Variants in FAM133B observed in about 807,000 individuals in gnomAD.
The protein encoded by FAM133B is protein FAM133B.
A neutral mutation model predicts 46.4 loss-of-function variants in FAM133B; 25 were observed. The observed-to-expected ratio is 0.54, with a 90% confidence interval of 0.39 to 0.75. The LOEUF is 0.75. Ranked by LOEUF, FAM133B falls within the 30% of genes least tolerant of loss-of-function variation. The pLI, the probability that FAM133B is intolerant of heterozygous loss-of-function variation, is 0.00. For synonymous variants in FAM133B, 75 were observed against 86.0 expected (o/e 0.87, Z 0.71); for missense variants, 205 against 277.6 (o/e 0.74, Z 1.86).
intron 1 of FAM133B, among the ~76,000 whole-genome samples, chr7:92,585,844 G>A (rs111276517): frequency 6.6e-6 from 1 of 152,196 alleles, no homozygotes; most frequent in African/African-American, 2.4e-5. Flanking sequence ...CATTATTATA[G>A]TAATAAAGGT....
intron 7 of FAM133B, 42 bp downstream of exon 7, chr7:92,577,061 A>G: frequency 8.1e-7 from 1 of 1,233,064 alleles, no homozygotes; most frequent in Non-Finnish European, 1.1e-6. Flanking sequence ...AACTTAATTA[A>G]ATGTCTTTGT....
chr7:92,588,680 G>A (rs1028425724), intron 1 of FAM133B, among the ~76,000 whole-genome samples: 1 of 152,166 alleles, frequency 6.6e-6, no homozygotes, highest in South Asian at 2.1e-4. Context: ...AATGTTGGAG[G>A]TGGGGCCTGG....
At chr7:92,564,523 GAACAAACA>G (rs376049285) in intron 10 of FAM133B, among the ~76,000 whole-genome samples, 1 of 152,122 alleles carries the variant, frequency 6.6e-6, no homozygotes, top group African/African-American at 2.4e-5. Context: ...TTCACATTCA[GAACAAACA>G]AACAAACAAA....
In FAM133B at chr7:92,582,324, T is replaced by C. The variant is rs137866499; in HGVS notation, c.25-721A>G. ...ATAAATAACATAAAATAACATAACA[T>C]AAAATAAAATAAATTCATTTCCAAA... On this transcript the variant is annotated intron_variant, in intron 1 of 10. Transcript: ENST00000445716. Among the ~76,000 whole-genome samples the C allele has an allele frequency of 1.2e-3, 173 of 149,786 alleles. 1 individual carries two copies. The highest frequency in any genetic ancestry group is 4.4e-3 in the Admixed American group (66 of 15,070).
intron 9 of FAM133B, among the ~76,000 whole-genome samples, chr7:92,567,048 C>A: frequency 6.6e-6 from 1 of 151,844 alleles, no homozygotes; most frequent in East Asian, 1.9e-4. Context: ...TTCACCTCTA[C>A]AAAAAAATTT....
chr7:92,566,767 C>G (rs1215069164), intron 9 of FAM133B, among the ~76,000 whole-genome samples: 2 of 152,214 alleles, frequency 1.3e-5, no homozygotes, highest in Non-Finnish European at 2.9e-5. Context: ...TAAAATACAG[C>G]AGGTATTTCT....
At chr7:92,590,096 A>T in intron 1 of FAM133B, 172 bp downstream of exon 1, 1 of 879,518 alleles carries the variant, frequency 1.1e-6, no homozygotes, top group Non-Finnish European at 1.7e-6. Flanking sequence ...CTAAAGCGCC[A>T]ACTGCGTGCG....
chr7:92,570,705 G>A (rs1165839064), intron 8 of FAM133B, among the ~76,000 whole-genome samples: 2 of 152,028 alleles, frequency 1.3e-5, no homozygotes, highest in African/African-American at 2.4e-5. Flanking sequence ...TTTATATAGC[G>A]TGAGTCTAAT....
At chr7:92,562,459 C>A (rs1384559033) in intron 10 of FAM133B, 91 bp from the exon 11 acceptor site, 3 of 1,450,474 alleles carry the variant, frequency 2.1e-6, no homozygotes, top group Non-Finnish European at 2.7e-6. Context: ...CACATAATTC[C>A]AAACAATCCA....
chr7:92,573,049 TTCTGTTATTTATGAACACATACTA>T (rs1354512877), intron 8 of FAM133B, among the ~76,000 whole-genome samples: 2 of 151,970 alleles, frequency 1.3e-5, no homozygotes, highest in Non-Finnish European at 2.9e-5. Flanking sequence ...AAACTCAATA[TTCTGTTATTTATGAACACATACTA>T]ATATAATAAA....
At chr7:92,580,937 T>C (rs1585312212) in intron 2 of FAM133B, among the ~76,000 whole-genome samples, 2 of 152,342 alleles carry the variant, frequency 1.3e-5, no homozygotes, top group Non-Finnish European at 2.9e-5. Context: ...TACATAAGCA[T>C]ACTTTTCAAC....
At chr7:92,577,868 C>T (rs994990668) in intron 5 of FAM133B, 151 bp from the exon 6 acceptor site, 48 of 714,404 alleles carry the variant, frequency 6.7e-5, no homozygotes, top group Non-Finnish European at 9.9e-5. Flanking sequence ...AAATGTCACA[C>T]TTGTTCCCTG....
chr7:92,582,698 G>C (rs1794924901), intron 1 of FAM133B, among the ~76,000 whole-genome samples: 1 of 152,168 alleles, frequency 6.6e-6, no homozygotes, highest in Admixed American at 6.5e-5. Flanking sequence ...TTTCTCTAAA[G>C]AAGGTATATA....
intron 10 of FAM133B, among the ~76,000 whole-genome samples, chr7:92,565,279 T>C (rs1244640642): frequency 3.3e-5 from 5 of 150,566 alleles, no homozygotes; most frequent in African/African-American, 7.3e-5. Context: ...GCCTCCCGAA[T>C]AGCTGGATTA....
chr7:92,571,209 C>A (rs936286219), intron 8 of FAM133B, among the ~76,000 whole-genome samples: 3 of 152,154 alleles, frequency 2.0e-5, no homozygotes, highest in African/African-American at 7.2e-5. Flanking sequence ...CCACCATGTC[C>A]AAAACTGTCT....
intron 8 of FAM133B, among the ~76,000 whole-genome samples, chr7:92,574,677 G>A (rs912871240): frequency 2.0e-5 from 3 of 150,226 alleles, no homozygotes; most frequent in South Asian, 2.1e-4. Flanking sequence ...AGGCCGAGGC[G>A]GGTGGATCAT....
rs560843141 is a variant in FAM133B, at chr7:92,580,850, T to A, written c.122+656A>T. Among the ~76,000 whole-genome samples the A allele has an allele frequency of 3.9e-5, 6 of 152,352 alleles. No individual in the cohort carries two copies. The South Asian group carries it at 1.2e-3, about 32-fold the overall frequency. ...TAATGCATTTTCTGGTATGCTGCAA[T>A]GGTTAACAATGGCATTCACACACAC... is the stretch of plus-strand genomic sequence containing the variant. On this transcript the variant is annotated intron_variant, in intron 2 of 10. Transcript: ENST00000445716.
At chr7:92,585,541 G>C (rs745947462) in intron 1 of FAM133B, 6 of 172,068 alleles carry the variant, frequency 3.5e-5, no homozygotes, top group Non-Finnish European at 5.8e-5. Context: ...ACTGGGATTC[G>C]CTAAATATAT....
At chr7:92,582,131 C>T (rs1389437450) in intron 1 of FAM133B, among the ~76,000 whole-genome samples, 1 of 152,100 alleles carries the variant, frequency 6.6e-6, no homozygotes, top group Non-Finnish European at 1.5e-5. Context: ...CGCCTGTAAT[C>T]CTAGCTACTC....
Sources: allele counts gnomAD v4.1 joint callset (sites outside exome capture counted in the v4.1 genomes callset), GRCh38; gene constraint gnomAD v4.1.1; transcripts MANE v1.5; gene names NCBI Gene and HGNC (gene_info 2026-07-23, HGNC 2026-07-21).